The following CLINT1 variants were observed in gnomAD, a reference collection of about 807,000 sequenced individuals.
CLINT1 encodes the protein clathrin interactor 1.
Under a neutral mutation model 70.4 loss-of-function variants are expected in CLINT1, and 15 were observed. The ratio of observed to expected loss-of-function variants is 0.21; its 90% confidence interval spans 0.14 to 0.33. CLINT1 has a LOEUF of 0.33. Ranked by LOEUF, CLINT1 falls within the 10% of genes least tolerant of loss-of-function variation. CLINT1 has a pLI of 1.00. For synonymous variants in CLINT1, 227 were observed against 254.7 expected (o/e 0.89, Z 1.04); for missense variants, 615 against 778.1 (o/e 0.79, Z 2.49).
chr5:157,787,565 G>A lies in CLINT1; in HGVS notation c.*81C>T. 9.0e-7 allele frequency: 1 copy of A among 1,111,248 alleles called. No homozygotes were observed. The highest frequency in any genetic ancestry group is 1.3e-6 in the Non-Finnish European group (1 of 758,352). The allele number at this position is 1,111,248 out of a possible 1,614,324, so 68.8% of individuals were successfully genotyped here. ...TAATTACTTGATAAAAGAAAGGGTA[G>A]TTGATTAGCATTTTCCATCCCAACA... On this transcript the variant is annotated 3_prime_UTR_variant, in exon 12 of 12. Coordinates refer to ENST00000411809, the MANE Select transcript of CLINT1 (RefSeq NM_014666.4).
At chr5:157,799,306 A>G (rs1344146982) in intron 8 of CLINT1, among the ~76,000 whole-genome samples, 1 of 152,136 alleles carries the variant, frequency 6.6e-6, no homozygotes, top group African/African-American at 2.4e-5. Flanking sequence ...TAAGAATGGA[A>G]CAAGGTGAGT....
chr5:157,819,327 G>C (rs1762811624), intron 1 of CLINT1, among the ~76,000 whole-genome samples: 1 of 152,124 alleles, frequency 6.6e-6, no homozygotes, highest in Non-Finnish European at 1.5e-5. Flanking sequence ...CTTGGAGAAA[G>C]CTGCCTCCTA....
At chr5:157,823,846 G>A (rs758685342) in intron 1 of CLINT1, 2 of 202,242 alleles carry the variant, frequency 9.9e-6, no homozygotes, top group Admixed American at 6.5e-5. Context: ...GCGAGCGAGC[G>A]TCACTGCCTG....
At chr5:157,791,206 C>G (rs919387065) in intron 10 of CLINT1, among the ~76,000 whole-genome samples, 32 of 152,072 alleles carry the variant, frequency 2.1e-4, no homozygotes, top group African/African-American at 7.7e-4. Context: ...CTACAGGTGC[C>G]TGCCACCATG....
At chr5:157,806,288 C>T (rs911525906) in intron 6 of CLINT1, among the ~76,000 whole-genome samples, 176 bp from the exon 7 acceptor site, 2 of 151,974 alleles carry the variant, frequency 1.3e-5, no homozygotes, top group South Asian at 4.2e-4. Context: ...TATATGTGCG[C>T]TGGGGAGGGG....
chr5:157,792,588 CA>C (rs1761951662), intron 9 of CLINT1, among the ~76,000 whole-genome samples: 1 of 152,110 alleles, frequency 6.6e-6, no homozygotes, highest in Non-Finnish European at 1.5e-5. Context: ...GCCATACTTC[CA>C]CTGACAATAC....
chr5:157,826,759 A>G (rs184843603), intron 1 of CLINT1, among the ~76,000 whole-genome samples: 8 of 152,342 alleles, frequency 5.3e-5, no homozygotes, highest in African/African-American at 1.7e-4. Flanking sequence ...ATGGTTTCAT[A>G]GCAGGAAATG....
chr5:157,814,209 A>G lies in CLINT1; in HGVS notation c.328T>C (p.Ser110Pro). ...SAREHIYDLR[S>P]LENYHFVDEH... is the part of the protein sequence containing the mutation. ...CCTACAAAGTGGTAATTTTCCAGGG[A>G]TCGTAAATCATAAATGTGTTCTCTG... is the stretch of plus-strand genomic sequence containing the variant. The change falls in exon 4 of 12, where the codon TCC (serine) becomes CCC (proline). Residue 110 changes from serine (S) to proline (P), a missense_variant. Ser to Pro is a moderately conservative substitution (Grantham distance 74, BLOSUM62 -1). Around this residue, in one of 2 missense-constraint regions of CLINT1, gnomAD observed 241 missense variants for 368.6 expected, o/e 0.65. Coordinates refer to ENST00000411809, the MANE Select transcript of CLINT1 (RefSeq NM_014666.4). 6.2e-7 allele frequency: 1 copy of G among 1,608,816 alleles called. No individual in the cohort carries two copies. The highest frequency in any genetic ancestry group is 8.5e-7 in the Non-Finnish European group (1 of 1,177,470).
chr5:157,857,436 C>T (rs1201994759), intron 1 of CLINT1, among the ~76,000 whole-genome samples: 2 of 151,992 alleles, frequency 1.3e-5, no homozygotes, highest in Non-Finnish European at 2.9e-5. Context: ...CCTTAATAGC[C>T]AAATGAGTTG....
At chr5:157,789,022 A>G (rs1235456155) in intron 11 of CLINT1, among the ~76,000 whole-genome samples, 1 of 151,662 alleles carries the variant, frequency 6.6e-6, no homozygotes, top group African/African-American at 2.4e-5. Flanking sequence ...ATTAATGGCA[A>G]TTACCCCTCA....
intron 1 of CLINT1, among the ~76,000 whole-genome samples, chr5:157,827,923 A>G (rs1308035376): frequency 2.6e-5 from 4 of 152,202 alleles, no homozygotes; most frequent in African/African-American, 7.2e-5. Context: ...TAGTTGATCA[A>G]TAATTTTTTA....
intron 7 of CLINT1, 57 bp from the exon 8 acceptor site, chr5:157,803,776 C>T: frequency 8.4e-7 from 1 of 1,192,376 alleles, no homozygotes; most frequent in Non-Finnish European, 1.2e-6. Flanking sequence ...TAAAAATCAG[C>T]TCTATCCATC....
At chr5:157,794,497 C>CTT (rs1247555436) in intron 9 of CLINT1, among the ~76,000 whole-genome samples, 5 of 152,104 alleles carry the variant, frequency 3.3e-5, no homozygotes, top group African/African-American at 1.2e-4. Flanking sequence ...AAAAGGAATG[C>CTT]ATTTTAGTAA....
In CLINT1 at chr5:157,811,717, T is replaced by C. The variant is rs919621380; in HGVS notation, c.517+1346A>G. 2.0e-5 allele frequency among the ~76,000 whole-genome samples: 3 copies of C among 152,258 alleles called. No homozygotes were observed. In the East Asian group the frequency reaches 5.8e-4, roughly 29 times the overall value. On this transcript the variant is annotated intron_variant, in intron 5 of 11. Transcript: ENST00000411809. Reference sequence around the variant, plus strand: ...CATTGTGACTGAGTTTGAAAACGTATTCAATTTTCTAAGTTTAGCTGATAT... The same window carrying C: ...CATTGTGACTGAGTTTGAAAACGTACTCAATTTTCTAAGTTTAGCTGATAT...
chr5:157,844,032 T>G (rs1753285778), intron 1 of CLINT1, among the ~76,000 whole-genome samples: 1 of 152,004 alleles, frequency 6.6e-6, no homozygotes, highest in South Asian at 2.1e-4. Context: ...GTGGTAAGAG[T>G]GATACCATCT....
At chr5:157,796,740 T>C (rs1437082464) in intron 8 of CLINT1, among the ~76,000 whole-genome samples, 1 of 152,228 alleles carries the variant, frequency 6.6e-6, no homozygotes, top group Non-Finnish European at 1.5e-5. Flanking sequence ...CTTCTTAATA[T>C]ATGGCCAACA....
intron 7 of CLINT1, among the ~76,000 whole-genome samples, chr5:157,805,407 G>C (rs757326457): frequency 2.0e-5 from 3 of 152,180 alleles, no homozygotes; most frequent in Non-Finnish European, 4.4e-5. Flanking sequence ...TTTTGATACT[G>C]ATCAGTAATG....
At chr5:157,800,546 C>G (rs945582130) in intron 8 of CLINT1, among the ~76,000 whole-genome samples, 4 of 151,994 alleles carry the variant, frequency 2.6e-5, no homozygotes, top group African/African-American at 9.7e-5. Flanking sequence ...AATTTATGTA[C>G]TGATTGAAGA....
intron 6 of CLINT1, 27 bp downstream of exon 6, chr5:157,809,601 G>A: frequency 1.3e-6 from 2 of 1,561,666 alleles, no homozygotes; most frequent in African/African-American, 1.4e-5. Context: ...CTTTCTAAGA[G>A]ACCCGGGAGA....
Sources: allele counts gnomAD v4.1 joint callset (sites outside exome capture counted in the v4.1 genomes callset), GRCh38; gene constraint gnomAD v4.1.1; regional missense constraint gnomAD v4.1.1; transcripts MANE v1.5; gene names NCBI Gene and HGNC (gene_info 2026-07-23, HGNC 2026-07-21).